The following CACNA2D3 variants were observed in gnomAD, a reference collection of about 807,000 sequenced individuals.
CACNA2D3 encodes the protein calcium voltage-gated channel auxiliary subunit alpha2delta 3, also known as voltage-dependent calcium channel subunit alpha-2/delta-3.
In CACNA2D3, 60 loss-of-function variants were observed where a neutral mutation model predicts 160.6. That is an observed-to-expected ratio of 0.37 (90% CI 0.30 to 0.46). The LOEUF (loss-of-function observed/expected upper bound fraction) is 0.46. CACNA2D3 is among the 20% of genes least tolerant of loss of function. The pLI, the probability that CACNA2D3 is intolerant of heterozygous loss-of-function variation, is 1.00. For missense variants in CACNA2D3, 1,205 were observed against 1,365.0 expected (o/e 0.88, Z 1.85); for synonymous variants, 558 against 492.9 (o/e 1.13, Z -1.75).
chr3:54,352,392 T>G (rs185832006), intron 3 of CACNA2D3, among the ~76,000 whole-genome samples: 5 of 152,306 alleles, frequency 3.3e-5, no homozygotes, highest in East Asian at 1.9e-4. Context: ...AGTAGTAGTA[T>G]TATTACCCCT....
At chr3:54,372,323 A>C (rs1698938607) in intron 3 of CACNA2D3, among the ~76,000 whole-genome samples, 1 of 152,200 alleles carries the variant, frequency 6.6e-6, no homozygotes, top group African/African-American at 2.4e-5. Context: ...CAGTGAAAGA[A>C]GAGGGTGGGT....
intron 21 of CACNA2D3, among the ~76,000 whole-genome samples, chr3:54,881,820 T>C (rs1289212995): frequency 6.6e-6 from 1 of 152,232 alleles, no homozygotes; most frequent in African/African-American, 2.4e-5. Flanking sequence ...TTCCAGAAGC[T>C]GGGCCATCCA....
chr3:54,246,646 C>A (rs1702085864), intron 2 of CACNA2D3, among the ~76,000 whole-genome samples: 1 of 151,356 alleles, frequency 6.6e-6, no homozygotes, highest in Admixed American at 6.6e-5. Context: ...ATCACTTGAA[C>A]CTGGGAGACG....
chr3:55,054,536 G>A (rs903350340), intron 35 of CACNA2D3, among the ~76,000 whole-genome samples: 9 of 150,332 alleles, frequency 6.0e-5, no homozygotes, highest in South Asian at 2.1e-4. Flanking sequence ...GGAATTCCCC[G>A]TTTCATACCT....
intron 13 of CACNA2D3, among the ~76,000 whole-genome samples, chr3:54,804,658 C>T (rs926282061): frequency 6.6e-6 from 1 of 152,136 alleles, no homozygotes; most frequent in Non-Finnish European, 1.5e-5. Flanking sequence ...AGAAAGTTAA[C>T]AAGGAAACTC....
At chr3:54,597,696 G>T (rs1436948801) in intron 9 of CACNA2D3, among the ~76,000 whole-genome samples, 1 of 152,068 alleles carries the variant, frequency 6.6e-6, no homozygotes, top group African/African-American at 2.4e-5. Flanking sequence ...TAAAACCATG[G>T]ATAAAACAAC....
intron 4 of CACNA2D3, among the ~76,000 whole-genome samples, chr3:54,425,725 C>T (rs1699903114): frequency 6.6e-6 from 1 of 152,202 alleles, no homozygotes; most frequent in African/African-American, 2.4e-5. Context: ...GTCAGTGAAC[C>T]AGCACTGAGT....
chr3:54,520,156 A>G (rs1199392862), intron 5 of CACNA2D3, among the ~76,000 whole-genome samples: 2 of 152,198 alleles, frequency 1.3e-5, no homozygotes, highest in Non-Finnish European at 2.9e-5. Context: ...AGTTCATTAC[A>G]TGTGCAAAGG....
chr3:55,018,296 T>C lies in CACNA2D3; in HGVS notation c.2966T>C (p.Ile989Thr). 9 of 1,611,592 alleles carry C rather than the reference T, an allele frequency of 5.6e-6. No homozygotes were observed. Among genetic ancestry groups the C allele is most frequent in the East Asian group, 2.2e-5 (1 of 44,816 alleles). The change falls in exon 35 of 38, where the codon ATT (isoleucine) becomes ACT (threonine). Residue 989 changes from isoleucine to threonine, a missense_variant. By Grantham distance (89) the Ile-to-Thr change is moderately conservative. Coordinates refer to ENST00000474759, the MANE Select transcript of CACNA2D3 (RefSeq NM_018398.3). ...ERTIKETTGN[I>T]ACEDCSKSFV... is the part of the protein sequence containing the mutation. The stretch of plus-strand genomic sequence containing the variant: ...ACCATCAAGGAGACTACAGGGAATA[T>C]TGCTTGTGAAGACTGCTCCAAGTAA...
chr3:54,816,617 A>G (rs1159553012), intron 13 of CACNA2D3, among the ~76,000 whole-genome samples: 2 of 152,178 alleles, frequency 1.3e-5, no homozygotes, highest in Admixed American at 6.5e-5. Context: ...GTGATTCCCA[A>G]AACACATGCT....
intron 4 of CACNA2D3, among the ~76,000 whole-genome samples, chr3:54,469,519 TCTC>T (rs1288555930): frequency 6.6e-6 from 1 of 150,856 alleles, no homozygotes; most frequent in Non-Finnish European, 1.5e-5. Flanking sequence ...GAATGCCTCT[TCTC>T]CTCCAAAGGA....
intron 9 of CACNA2D3, among the ~76,000 whole-genome samples, chr3:54,615,024 A>C (rs1455861638): frequency 6.6e-6 from 1 of 152,214 alleles, no homozygotes; most frequent in Non-Finnish European, 1.5e-5. Context: ...TATTTTGAAA[A>C]CCAGTAAAGA....
At chr3:54,753,010 A>C (rs1413320955) in intron 12 of CACNA2D3, among the ~76,000 whole-genome samples, 1 of 151,954 alleles carries the variant, frequency 6.6e-6, no homozygotes, top group Non-Finnish European at 1.5e-5. Context: ...ACAGGTGTGC[A>C]CCACAATACC....
chr3:54,873,534 C>T (rs561064182), intron 18 of CACNA2D3, among the ~76,000 whole-genome samples: 4 of 152,222 alleles, frequency 2.6e-5, no homozygotes, highest in Admixed American at 2.6e-4. Context: ...CTTTAGTAAT[C>T]ACAGTTTGGG....
intron 34 of CACNA2D3, among the ~76,000 whole-genome samples, chr3:55,009,893 G>A (rs1001132523): frequency 6.6e-6 from 1 of 152,156 alleles, no homozygotes; most frequent in Non-Finnish European, 1.5e-5. Context: ...TGAGGAGGGT[G>A]TAATTAGTAG....
intron 8 of CACNA2D3, among the ~76,000 whole-genome samples, chr3:54,579,571 C>T (rs564075811): frequency 5.9e-4 from 90 of 152,312 alleles, no homozygotes; most frequent in Admixed American, 7.8e-4. Context: ...AAGGTCGTGT[C>T]CAACAACGGG....
chr3:54,825,049 A>G, intron 14 of CACNA2D3, among the ~76,000 whole-genome samples: 1 of 152,156 alleles, frequency 6.6e-6, no homozygotes, highest in East Asian at 1.9e-4. Flanking sequence ...TAAATATGTG[A>G]CTGTTTTCTA....
chr3:54,402,814 G>A (rs1167759458), intron 4 of CACNA2D3, among the ~76,000 whole-genome samples: 1 of 152,160 alleles, frequency 6.6e-6, no homozygotes, highest in East Asian at 1.9e-4. Flanking sequence ...CCATCCAACA[G>A]CAGCAGAATA....
At chr3:54,712,627 C>T (rs1700973240) in intron 11 of CACNA2D3, among the ~76,000 whole-genome samples, 1 of 152,212 alleles carries the variant, frequency 6.6e-6, no homozygotes, top group African/African-American at 2.4e-5. Context: ...GTCTATTAAA[C>T]CTCTTTATTT....
Sources: allele counts gnomAD v4.1 joint callset (sites outside exome capture counted in the v4.1 genomes callset), GRCh38; gene constraint gnomAD v4.1.1; transcripts MANE v1.5; gene names NCBI Gene and HGNC (gene_info 2026-07-23, HGNC 2026-07-21).